ZNF324B: variants seen among roughly 807,000 people sequenced by gnomAD.
ZNF324B encodes zinc finger protein 324B.
Under a neutral mutation model 10.6 loss-of-function variants are expected in ZNF324B, and 7 were observed. The observed-to-expected ratio is 0.66, with a 90% CI of 0.38 to 1.24. The LOEUF is 1.24. Among genes scored for constraint, ZNF324B ranks in the 50% most tolerant of loss-of-function variants. The pLI, the probability that ZNF324B is intolerant of heterozygous loss-of-function variation, is 0.02. For synonymous variants in ZNF324B, 316 were observed against 321.0 expected (o/e 0.98, Z 0.17); for missense variants, 640 against 764.7 (o/e 0.84, Z 1.92).
At chr19:58,450,331 G>C (rs1009658745), upstream of ZNF324B, among the ~76,000 whole-genome samples, 2 of 152,006 alleles carry the variant, frequency 1.3e-5, no homozygotes, top group Non-Finnish European at 2.9e-5. Flanking sequence ...CAGGCATCGT[G>C]GCTCCTGCCT....
rs1599982680 is a variant in ZNF324B at position 58,455,031 on chromosome 19, A to C, written c.239-152A>C. 1 of 1,062,518 alleles carries C rather than the reference A, an allele frequency of 9.4e-7. No homozygotes were observed. Among genetic ancestry groups the C allele is most frequent in the Non-Finnish European group, 1.4e-6 (1 of 699,902 alleles). The allele number at this position is 1,062,518 out of a possible 1,614,324, so 65.8% of individuals were successfully genotyped here. On this transcript the variant is annotated intron_variant, in intron 3 of 3. Transcript: ENST00000336614. The surrounding 1 kb of genome is among the most constrained non-coding windows in gnomAD (Gnocchi z 7.0). ...CTGTCAGGGCAGATGCTTCCTCCAA[A>C]CCCCAGCCCCTCCTGCAGAGCCAGC... is the stretch of plus-strand genomic sequence containing the variant.
chr19:58,434,652 A>C, the ZNF324B span: 1 of 1,614,206 alleles, frequency 6.2e-7, no homozygotes, highest in Non-Finnish European at 8.5e-7. Flanking sequence ...TTGGGCATGT[A>C]AATGGTATCT....
the ZNF324B span, chr19:58,440,216 T>C: frequency 7.2e-6 from 2 of 276,666 alleles, no homozygotes; most frequent in Non-Finnish European, 1.4e-5. Context: ...CGAGCTTTCA[T>C]TGGCTCAAGG....
At chr19:58,440,173 CCT>C in the ZNF324B span, 1 of 342,748 alleles carries the variant, frequency 2.9e-6, no homozygotes, top group Non-Finnish European at 5.4e-6. Context: ...GGAAGTCCCG[CCT>C]CTCAATGACA....
chr19:58,451,839 T>G (rs907984557), intron 1 of ZNF324B, 135 bp downstream of exon 1: 1 of 279,596 alleles, frequency 3.6e-6, no homozygotes, highest in Non-Finnish European at 7.0e-6. Flanking sequence ...AGGCAGCGCA[T>G]TGGGCATTCT....
At chr19:58,432,569 G>A in the ZNF324B span, among the ~76,000 whole-genome samples, 4 of 152,200 alleles carry the variant, frequency 2.6e-5, no homozygotes. Context: ...TTGTAGATGA[G>A]TTTATTTTTC....
the ZNF324B span, chr19:58,430,440 A>T: frequency 6.6e-5 from 10 of 152,264 alleles, no homozygotes; most frequent in African/African-American, 2.4e-4. Context: ...GGCTTCTGCA[A>T]TAGCAGTAAT....
At chr19:58,438,472 ATTTT>A in the ZNF324B span, among the ~76,000 whole-genome samples, 1 of 129,818 alleles carries the variant, frequency 7.7e-6, no homozygotes, top group Non-Finnish European at 1.6e-5. Flanking sequence ...TCTAAGGTCA[ATTTT>A]TTTTTTTTTT....
chr19:58,427,438 C>CCT, the ZNF324B span, among the ~76,000 whole-genome samples: 2 of 31,628 alleles, frequency 6.3e-5, no homozygotes, highest in African/African-American at 3.3e-4. Context: ...TTCCTTCCTT[C>CCT]CTTCCTTTCC....
At chr19:58,427,343 C>CCT in the ZNF324B span, among the ~76,000 whole-genome samples, 5 of 23,096 alleles carry the variant, frequency 2.2e-4, no homozygotes, top group East Asian at 2.3e-3. Context: ...TTCTTTCTTT[C>CCT]TCTTTCCTTT....
At chr19:58,427,367 T>C in the ZNF324B span, among the ~76,000 whole-genome samples, 56 of 46,146 alleles carry the variant, frequency 1.2e-3, no homozygotes, top group East Asian at 5.0e-3. Context: ...TCTTTCTTTC[T>C]TTCTTTCTTT....
chr19:58,422,780 T>G, the ZNF324B span, among the ~76,000 whole-genome samples: 4 of 152,030 alleles, frequency 2.6e-5, no homozygotes, highest in Admixed American at 6.5e-5. Flanking sequence ...CTTCCTCTTC[T>G]GCCCACAAAT....
the ZNF324B span, chr19:58,445,491 G>A: frequency 1.9e-6 from 1 of 518,882 alleles, no homozygotes; most frequent in Middle Eastern, 3.2e-4. Flanking sequence ...GTAAATGTAG[G>A]AAAGTCTTCA....
At chr19:58,444,319 T>A in the ZNF324B span, 1 of 152,156 alleles carries the variant, frequency 6.6e-6, no homozygotes, top group Non-Finnish European at 1.5e-5. Context: ...CTTTAATGTG[T>A]CTTGAACGGA....
At chr19:58,453,904 G>T in intron 2 of ZNF324B, 82 bp downstream of exon 2, 1 of 1,553,082 alleles carries the variant, frequency 6.4e-7, no homozygotes. Context: ...TTGATGAGCA[G>T]GATCAAATCT....
chr19:58,433,032 G>A, the ZNF324B span: 1 of 441,878 alleles, frequency 2.3e-6, no homozygotes, highest in Non-Finnish European at 4.0e-6. Context: ...TGAATCCCTA[G>A]AGAACACAGG....
chr19:58,436,963 C>G, the ZNF324B span: 1 of 1,592,828 alleles, frequency 6.3e-7, no homozygotes, highest in African/African-American at 1.3e-5. Context: ...TACCCATGAT[C>G]TGGCTTTGGG....
chr19:58,451,680 G>C lies in ZNF324B; in HGVS notation c.-31G>C. 4.0e-6 allele frequency: 2 copies of C among 502,938 alleles called. No individual in the cohort carries two copies. The highest frequency in any genetic ancestry group is 3.2e-4 in the Middle Eastern group (1 of 3,080). The allele number at this position is 502,938 out of a possible 1,614,324, so 31.2% of individuals were successfully genotyped here. Reference sequence around the variant, plus strand: ...GGTCTGGGCTGTGGCGCGCGGGTCGGGGCCCGAGGCGGGCGGCCAGGAAGG... The same window carrying C: ...GGTCTGGGCTGTGGCGCGCGGGTCGCGGCCCGAGGCGGGCGGCCAGGAAGG... On this transcript the variant is annotated 5_prime_UTR_variant, in exon 1 of 4. Transcript: ENST00000336614.
At chr19:58,420,327 G>A in the ZNF324B span, among the ~76,000 whole-genome samples, 1 of 152,056 alleles carries the variant, frequency 6.6e-6, no homozygotes, top group Non-Finnish European at 1.5e-5. Flanking sequence ...GCTGAGGCAG[G>A]AGAATTGCTT....
Sources: gnomAD v4.1 joint callset for allele counts (sites outside exome capture counted in the v4.1 genomes callset) on GRCh38, gnomAD v4.1.1 for gene constraint, Gnocchi (gnomAD v3.1) non-coding constraint, MANE v1.5 for transcripts, NCBI Gene and HGNC (gene_info 2026-07-23, HGNC 2026-07-21) for gene names.